The following SEMA3A variants were observed in gnomAD, a reference collection of about 807,000 sequenced individuals.
SEMA3A encodes the protein semaphorin-3A.
Under a neutral mutation model 97.9 loss-of-function variants are expected in SEMA3A, and 29 were observed. The observed-to-expected ratio is 0.30, with a 90% CI of 0.22 to 0.40. The LOEUF (loss-of-function observed/expected upper bound fraction) is 0.40, where lower values mean the gene tolerates loss of function less well. Ranked by LOEUF, SEMA3A falls within the 10% of genes least tolerant of loss-of-function variation. The pLI is 1.00. For missense variants in SEMA3A, 763 were observed against 951.3 expected (o/e 0.80, Z 2.60); for synonymous variants, 321 against 323.7 (o/e 0.99, Z 0.09).
Position 84,213,120 on chromosome 7 carries a change from G to A in SEMA3A, c.-82-18452C>T, listed in dbSNP as rs1798669997. On this transcript the variant is annotated intron_variant, in intron 3 of 3. Coordinates refer to the SEMA3A transcript ENST00000424555. The stretch of plus-strand genomic sequence containing the variant: ...AGCCTCCCTAGCAGCTGGGATTACA[G>A]GCATGTGCCACCATGCCCGGCTAAT... Among the ~76,000 whole-genome samples, 3 of 152,154 alleles carry A rather than the reference G, an allele frequency of 2.0e-5. No homozygotes were observed. In the South Asian group the frequency reaches 6.2e-4, roughly 32 times the overall value.
At chr7:84,081,410 G>A (rs750588233) in intron 4 of SEMA3A, among the ~76,000 whole-genome samples, 7 of 152,002 alleles carry the variant, frequency 4.6e-5, no homozygotes, top group Non-Finnish European at 5.9e-5. Flanking sequence ...GGCTAACACG[G>A]TGAAACCCCG....
intron 6 of SEMA3A, among the ~76,000 whole-genome samples, chr7:84,033,967 T>C (rs1791852916): frequency 6.8e-6 from 1 of 147,934 alleles, no homozygotes. Context: ...CCTTCAACTT[T>C]GGCAATTTTT....
At chr7:84,042,025 G>T (rs1297688287) in intron 6 of SEMA3A, among the ~76,000 whole-genome samples, 1 of 152,102 alleles carries the variant, frequency 6.6e-6, no homozygotes, top group Non-Finnish European at 1.5e-5. Context: ...ATTTGAGATT[G>T]GGTATCTGGT....
At chr7:84,249,266 A>G (rs533552137) in intron 3 of SEMA3A, among the ~76,000 whole-genome samples, 1 of 152,060 alleles carries the variant, frequency 6.6e-6, no homozygotes, top group Non-Finnish European at 1.5e-5. Flanking sequence ...CTTCCAGTAG[A>G]TAGAATTTGT....
Position 84,282,923 on chromosome 7 carries a change from A to C in SEMA3A, c.-83+24284T>G, listed in dbSNP as rs886750433. Among the ~76,000 whole-genome samples the C allele has an allele frequency of 2.0e-5, 3 of 152,236 alleles. No homozygotes were observed. The East Asian group carries it at 5.8e-4, about 29-fold the overall frequency. Reference sequence around the variant, plus strand: ...AGGCTACTTGGGAGGCTGAGGCAGGAGAATCGCTTGAACCTGGAAGGTGGA... The same window carrying C: ...AGGCTACTTGGGAGGCTGAGGCAGGCGAATCGCTTGAACCTGGAAGGTGGA... On this transcript the variant is annotated intron_variant, in intron 3 of 3. Coordinates refer to the SEMA3A transcript ENST00000424555.
rs1790861475 is a variant in SEMA3A at position 84,011,209 on chromosome 7, C to G, written c.899G>C (p.Gly300Ala). 1 of 1,613,544 alleles carries G rather than the reference C, an allele frequency of 6.2e-7. No individual in the cohort carries two copies. The highest frequency in any genetic ancestry group is 1.7e-5 in the Admixed American group (1 of 59,994). ...RLICSVPGPNGIDTHFDELQD... is the reference protein window; with the variant it reads ...RLICSVPGPNAIDTHFDELQD... ...CAGTTCATCAAAATGAGTGTCAATG[C>G]CATTTGGACCTGGCACTGAGCAAAT... Residue 300 changes from glycine to alanine, a missense_variant, in exon 8 of 17, where the codon GGC becomes GCC. Gly to Ala is a moderately conservative substitution (Grantham distance 60, BLOSUM62 0). This residue lies in a region of SEMA3A where 678 missense variants were observed against 881.3 expected (regional missense o/e 0.77). Transcript: ENST00000265362.
intron 1 of SEMA3A, among the ~76,000 whole-genome samples, chr7:84,403,191 C>G (rs1399418728): frequency 6.6e-6 from 1 of 152,136 alleles, no homozygotes; most frequent in Non-Finnish European, 1.5e-5. Flanking sequence ...TCAGGTCACT[C>G]CCACCCTAAT....
At chr7:84,372,020 C>T (rs1347792286) in intron 1 of SEMA3A, 1 of 152,094 alleles carries the variant, frequency 6.6e-6, no homozygotes, top group South Asian at 2.1e-4. Context: ...CCAGCAGACT[C>T]TTCCATGACA....
chr7:84,095,358 C>CACACACACATATATATATATAT (rs1211794166), intron 4 of SEMA3A, among the ~76,000 whole-genome samples: 30 of 122,900 alleles, frequency 2.4e-4, no homozygotes, highest in African/African-American at 9.7e-4. Flanking sequence ...TTTTTATATA[C>CACACACACATATATATATATAT]ATATATATAT....
intron 1 of SEMA3A, among the ~76,000 whole-genome samples, chr7:84,420,350 A>G (rs1804555045): frequency 6.6e-6 from 1 of 152,084 alleles, no homozygotes; most frequent in South Asian, 2.1e-4. Flanking sequence ...ACAAGTAGAC[A>G]CAAAAAATAT....
chr7:84,222,842 A>G (rs1426540429), intron 3 of SEMA3A, among the ~76,000 whole-genome samples: 1 of 151,900 alleles, frequency 6.6e-6, no homozygotes, highest in East Asian at 1.9e-4. Context: ...TGTTGGTATC[A>G]CTAGGGAAGC....
chr7:84,046,053 C>T (rs1197108121), intron 6 of SEMA3A, among the ~76,000 whole-genome samples: 1 of 151,588 alleles, frequency 6.6e-6, no homozygotes, highest in Non-Finnish European at 1.5e-5. Flanking sequence ...TTTTCCATTT[C>T]CTCCCTTCCG....
chr7:84,203,537 T>TTTTTTTTTTTTTG (rs1798412702), intron 3 of SEMA3A, among the ~76,000 whole-genome samples: 1 of 123,698 alleles, frequency 8.1e-6, no homozygotes. Context: ...TTTTTTTTTT[T>TTTTTTTTTTTTTG]TTTTTTTTTC....
chr7:84,152,598 C>G (rs890104198), intron 1 of SEMA3A, among the ~76,000 whole-genome samples: 6 of 140,868 alleles, frequency 4.3e-5, no homozygotes, highest in South Asian at 4.7e-4. Context: ...TGCTAGATGA[C>G]GAGTTAGTGG....
At chr7:84,286,906 C>T (rs1322573105) in intron 3 of SEMA3A, among the ~76,000 whole-genome samples, 1 of 152,024 alleles carries the variant, frequency 6.6e-6, no homozygotes, top group Non-Finnish European at 1.5e-5. Context: ...TTTATCTCAC[C>T]ATCAATCTAC....
intron 2 of SEMA3A, among the ~76,000 whole-genome samples, chr7:84,332,931 G>A (rs1485146664): frequency 2.0e-5 from 3 of 151,892 alleles, no homozygotes; most frequent in Admixed American, 1.3e-4. Flanking sequence ...TATCATTTAG[G>A]ATAAGAAAGA....
intron 11 of SEMA3A, among the ~76,000 whole-genome samples, chr7:84,003,278 T>C (rs3801600): frequency 0.15 from 22,592 of 151,960 alleles, 2,071 homozygotes; most frequent in South Asian, 0.22. Flanking sequence ...ACACTAAAGA[T>C]TAAAGGTAAA....
intron 4 of SEMA3A, among the ~76,000 whole-genome samples, chr7:84,093,075 C>T (rs1583954608): frequency 6.6e-6 from 1 of 152,016 alleles, no homozygotes; most frequent in South Asian, 2.1e-4. Context: ...GGAGATACTA[C>T]GTTTTATTTT....
chr7:84,276,959 T>C (rs1362523606), intron 3 of SEMA3A, among the ~76,000 whole-genome samples: 1 of 152,094 alleles, frequency 6.6e-6, no homozygotes, highest in Non-Finnish European at 1.5e-5. Flanking sequence ...TGTAAAATAA[T>C]GTTTTGTGGG....
Sources: allele counts gnomAD v4.1 joint callset (sites outside exome capture counted in the v4.1 genomes callset), GRCh38; gene constraint gnomAD v4.1.1; regional missense constraint gnomAD v4.1.1; transcripts MANE v1.5; gene names NCBI Gene and HGNC (gene_info 2026-07-23, HGNC 2026-07-21).